The following LRP1B variants were observed in gnomAD, a reference collection of about 807,000 sequenced individuals.
LRP1B encodes the protein LDL receptor related protein 1B, also known as low-density lipoprotein receptor-related protein 1B.
Under a neutral mutation model 556.6 loss-of-function variants are expected in LRP1B, and 217 were observed. The ratio of observed to expected loss-of-function variants is 0.39; its 90% CI spans 0.35 to 0.44. LRP1B has a LOEUF of 0.44. Ranked by LOEUF, LRP1B falls within the 20% of genes least tolerant of loss-of-function variation. The probability of loss-of-function intolerance (pLI) is 1.00; values close to 1 mark genes in which losing one functional copy is unlikely to be tolerated. For synonymous variants in LRP1B, 2,047 were observed against 1,865.8 expected (o/e 1.10, Z -2.50); for missense variants, 5,053 against 5,620.8 (o/e 0.90, Z 3.23).
intron 66 of LRP1B, among the ~76,000 whole-genome samples, chr2:140,441,374 G>C (rs756310057): frequency 9.9e-5 from 15 of 152,132 alleles, no homozygotes; most frequent in Admixed American, 3.3e-4. Context: ...GGACAAATTG[G>C]TGATGAATGC....
chr2:141,956,089 T>A (rs1701243037), intron 1 of LRP1B, among the ~76,000 whole-genome samples: 1 of 152,018 alleles, frequency 6.6e-6, no homozygotes, highest in Non-Finnish European at 1.5e-5. Flanking sequence ...ATTGAGTATC[T>A]GTTTCTAGCT....
At chr2:140,416,562 G>A (rs866881395) in intron 66 of LRP1B, among the ~76,000 whole-genome samples, 1 of 152,008 alleles carries the variant, frequency 6.6e-6, no homozygotes, top group Admixed American at 6.5e-5. Flanking sequence ...AGGCTGAGGT[G>A]GGAGTATGGC....
intron 3 of LRP1B, among the ~76,000 whole-genome samples, chr2:141,461,706 G>A (rs1681879412): frequency 1.3e-5 from 2 of 152,144 alleles, no homozygotes; most frequent in South Asian, 4.1e-4. Context: ...TAGCATAAAT[G>A]TACAATTCTG....
intron 77 of LRP1B, among the ~76,000 whole-genome samples, chr2:140,348,631 A>G (rs1353033939): frequency 1.3e-5 from 2 of 152,164 alleles, no homozygotes; most frequent in Non-Finnish European, 2.9e-5. Context: ...TACTATCATT[A>G]AAAGTAAAGT....
intron 66 of LRP1B, among the ~76,000 whole-genome samples, chr2:140,397,699 C>T (rs191823539): frequency 3.9e-5 from 6 of 152,092 alleles, no homozygotes; most frequent in Admixed American, 2.0e-4. Context: ...GTAGATATAC[C>T]TTAAACAATT....
chr2:140,671,898 T>C (rs538722939), intron 41 of LRP1B, among the ~76,000 whole-genome samples: 3 of 152,294 alleles, frequency 2.0e-5, no homozygotes, highest in Admixed American at 6.5e-5. Flanking sequence ...GTCAGCTCAG[T>C]GTGCAAAGTA....
chr2:141,972,961 TTTAA>T (rs992070950), intron 1 of LRP1B, among the ~76,000 whole-genome samples: 7 of 151,630 alleles, frequency 4.6e-5, no homozygotes, highest in Non-Finnish European at 3.0e-5. Flanking sequence ...TCAAATAATA[TTTAA>T]TTATTTCTAA....
intron 31 of LRP1B, among the ~76,000 whole-genome samples, chr2:140,835,344 A>G (rs562113730): frequency 1.3e-5 from 2 of 152,244 alleles, no homozygotes; most frequent in South Asian, 2.1e-4. Flanking sequence ...TGACAGAGAA[A>G]CTTTTACCAC....
intron 11 of LRP1B, among the ~76,000 whole-genome samples, chr2:141,028,449 G>C (rs1698276452): frequency 6.6e-6 from 1 of 151,760 alleles, no homozygotes; most frequent in Non-Finnish European, 1.5e-5. Context: ...TGTATTATGT[G>C]TAATCTAAAA....
intron 7 of LRP1B, among the ~76,000 whole-genome samples, chr2:141,123,939 A>G (rs564302483): frequency 2.0e-5 from 3 of 152,116 alleles, no homozygotes; most frequent in Non-Finnish European, 2.9e-5. Flanking sequence ...GATTAGTTCT[A>G]TAAGTGATAG....
intron 7 of LRP1B, among the ~76,000 whole-genome samples, chr2:141,143,890 T>C (rs1701717601): frequency 6.6e-6 from 1 of 152,030 alleles, no homozygotes; most frequent in African/African-American, 2.4e-5. Context: ...ATGACTTGGT[T>C]TGGGGTTACA....
chr2:141,987,165 G>A (rs1020834669), intron 1 of LRP1B, among the ~76,000 whole-genome samples: 2 of 151,638 alleles, frequency 1.3e-5, no homozygotes, highest in African/African-American at 2.4e-5. Context: ...TGGTTTGACT[G>A]TATCTATTAT....
chr2:141,420,065 T>C (rs1489342777), intron 3 of LRP1B, among the ~76,000 whole-genome samples: 1 of 152,220 alleles, frequency 6.6e-6, no homozygotes, highest in Non-Finnish European at 1.5e-5. Context: ...TGCTTCCTTA[T>C]TGATCTCCTG....
intron 23 of LRP1B, among the ~76,000 whole-genome samples, chr2:140,886,628 T>C (rs984802804): frequency 1.3e-5 from 2 of 152,010 alleles, no homozygotes; most frequent in African/African-American, 4.8e-5. Flanking sequence ...TTTTCTGTTT[T>C]TTTTTTTAGA....
chr2:140,888,579 C>A (rs201816497), intron 23 of LRP1B, among the ~76,000 whole-genome samples: 1 of 37,594 alleles, frequency 2.7e-5, no homozygotes. Flanking sequence ...AAATAAAAAA[C>A]AGATGAGTAA....
At chr2:141,613,910 TA>T (rs1208788950) in intron 2 of LRP1B, among the ~76,000 whole-genome samples, 1 of 151,208 alleles carries the variant, frequency 6.6e-6, no homozygotes, top group Non-Finnish European at 1.5e-5. Context: ...TGATCTCTAC[TA>T]AAAATACAAA....
rs557915873 is a variant in LRP1B at position 141,013,961 on chromosome 2, A to G, written c.2191-216T>C. Among the ~76,000 whole-genome samples the G allele has an allele frequency of 2.0e-5, 3 of 152,178 alleles. No individual in the cohort carries two copies. In the South Asian group the frequency reaches 6.2e-4, roughly 32 times the overall value. Reference sequence around the variant, plus strand: ...GGAAACCATCTATTTTATCTAAACCATTTATTATTTATTATTAAACCATCT... The same window carrying G: ...GGAAACCATCTATTTTATCTAAACCGTTTATTATTTATTATTAAACCATCT... On this transcript the variant is annotated intron_variant, in intron 13 of 90. Transcript: ENST00000389484.
intron 66 of LRP1B, among the ~76,000 whole-genome samples, chr2:140,414,786 A>G (rs1035522782): frequency 2.6e-5 from 4 of 152,184 alleles, no homozygotes; most frequent in African/African-American, 9.7e-5. Context: ...ACAATATGAA[A>G]TCAGTGCACC....
intron 72 of LRP1B, among the ~76,000 whole-genome samples, chr2:140,361,736 C>T (rs929759387): frequency 4.0e-5 from 6 of 151,278 alleles, no homozygotes; most frequent in Non-Finnish European, 5.9e-5. Flanking sequence ...CCTTCCTGAC[C>T]TATCTTTATT....
Sources: allele counts gnomAD v4.1 joint callset (sites outside exome capture counted in the v4.1 genomes callset), GRCh38; gene constraint gnomAD v4.1.1; transcripts MANE v1.5; gene names NCBI Gene and HGNC (gene_info 2026-07-23, HGNC 2026-07-21).